Variants in AFG2A observed in about 807,000 individuals in gnomAD.
AFG2A encodes AAA ATPase AFG2A.
At chr4:123,015,759 G>A in the AFG2A span, among the ~76,000 whole-genome samples, 1,580 of 149,802 alleles carry the variant, frequency 0.011, 39 homozygotes, top group African/African-American at 0.036. Flanking sequence ...CAGTAGGGGC[G>A]GCCGGGCAGA....
the AFG2A span, among the ~76,000 whole-genome samples, chr4:122,938,646 A>G: frequency 6.6e-6 from 1 of 152,178 alleles, no homozygotes; most frequent in East Asian, 1.9e-4. Context: ...GCTGGAGTGC[A>G]GTGGCGCAGT....
the AFG2A span, among the ~76,000 whole-genome samples, chr4:123,124,220 A>G: frequency 4.6e-5 from 7 of 152,180 alleles, no homozygotes; most frequent in Admixed American, 2.0e-4. Flanking sequence ...TCACAATAGC[A>G]AAGACTTGGA....
the AFG2A span, among the ~76,000 whole-genome samples, chr4:123,090,168 G>C: frequency 0.011 from 1,630 of 152,168 alleles, 34 homozygotes; most frequent in South Asian, 0.095. Flanking sequence ...ATAGACTTTA[G>C]GTTTCATGTG....
At chr4:122,983,949 C>T in the AFG2A span, among the ~76,000 whole-genome samples, 5 of 152,112 alleles carry the variant, frequency 3.3e-5, no homozygotes, top group Non-Finnish European at 5.9e-5. Flanking sequence ...ACTACATCAA[C>T]GGAATATCCC....
the AFG2A span, among the ~76,000 whole-genome samples, chr4:122,985,057 T>C: frequency 6.6e-6 from 1 of 152,182 alleles, no homozygotes; most frequent in Non-Finnish European, 1.5e-5. Flanking sequence ...CTTCTTTGAA[T>C]GTCTGGTAGA....
At chr4:123,180,289 A>G in the AFG2A span, among the ~76,000 whole-genome samples, 4 of 152,206 alleles carry the variant, frequency 2.6e-5, no homozygotes, top group Non-Finnish European at 5.9e-5. Flanking sequence ...GGCACATTTT[A>G]GAACAAAAGT....
At chr4:123,136,518 CAAA>C in the AFG2A span, among the ~76,000 whole-genome samples, 15 of 150,934 alleles carry the variant, frequency 9.9e-5, no homozygotes, top group East Asian at 2.5e-3. Context: ...AAAAAAAATA[CAAA>C]AAAATTAGCT....
At chr4:123,020,640 C>A in the AFG2A span, among the ~76,000 whole-genome samples, 3 of 151,928 alleles carry the variant, frequency 2.0e-5, no homozygotes, top group African/African-American at 7.3e-5. Context: ...GTATTAAAAT[C>A]TTTATATTCT....
At chr4:122,983,025 G>A in the AFG2A span, among the ~76,000 whole-genome samples, 201 of 151,690 alleles carry the variant, frequency 1.3e-3, no homozygotes, top group African/African-American at 4.7e-3. Context: ...CCGCCACAAC[G>A]CCCAGCTAAT....
the AFG2A span, among the ~76,000 whole-genome samples, chr4:122,952,767 G>A: frequency 3.3e-5 from 5 of 152,172 alleles, no homozygotes; most frequent in African/African-American, 1.2e-4. Flanking sequence ...AAAGTCTATT[G>A]TTCTTCCCAG....
At chr4:123,140,862 C>G in the AFG2A span, among the ~76,000 whole-genome samples, 1 of 151,968 alleles carries the variant, frequency 6.6e-6, no homozygotes, top group Non-Finnish European at 1.5e-5. Context: ...AAATTTGACC[C>G]CACATGGAAC....
the AFG2A span, among the ~76,000 whole-genome samples, chr4:123,310,141 A>C: frequency 6.6e-6 from 1 of 152,194 alleles, no homozygotes; most frequent in Admixed American, 6.5e-5. Context: ...AATTTCTACT[A>C]AGAAGCCTTT....
the AFG2A span, chr4:123,255,936 G>C: frequency 1.3e-6 from 2 of 1,528,678 alleles, no homozygotes; most frequent in Non-Finnish European, 1.8e-6. Flanking sequence ...TGAAATTCCA[G>C]ACATCTTTCC....
chr4:123,141,279 A>G, the AFG2A span, among the ~76,000 whole-genome samples: 1 of 152,166 alleles, frequency 6.6e-6, no homozygotes, highest in Non-Finnish European at 1.5e-5. Context: ...TAAAAATTAT[A>G]TTACATTTCT....
At chr4:123,158,663 A>G in the AFG2A span, among the ~76,000 whole-genome samples, 2 of 152,278 alleles carry the variant, frequency 1.3e-5, no homozygotes, top group Admixed American at 6.5e-5. Context: ...CATCTAGTCT[A>G]TGGAAAAAAA....
At chr4:123,214,205 G>T in the AFG2A span, among the ~76,000 whole-genome samples, 2 of 152,064 alleles carry the variant, frequency 1.3e-5, no homozygotes, top group Non-Finnish European at 2.9e-5. Flanking sequence ...TGGGCATTTT[G>T]ATGCTAGACC....
At chr4:123,220,334 T>G in the AFG2A span, among the ~76,000 whole-genome samples, 1 of 151,938 alleles carries the variant, frequency 6.6e-6, no homozygotes, top group Admixed American at 6.6e-5. Context: ...AATCTGGGCC[T>G]GGTGGGGTGG....
At chr4:123,056,490 T>C in the AFG2A span, 5 of 1,511,254 alleles carry the variant, frequency 3.3e-6, no homozygotes, top group African/African-American at 7.0e-5. Context: ...ATCACACTTC[T>C]GTCCTGTGCA....
At chr4:123,068,879 A>T in the AFG2A span, among the ~76,000 whole-genome samples, 1,169 of 152,286 alleles carry the variant, frequency 7.7e-3, 9 homozygotes, top group Non-Finnish European at 0.012. Context: ...TGAGACTCTT[A>T]CATAATTTTA....
Sources: gnomAD v4.1 joint callset for allele counts (sites outside exome capture counted in the v4.1 genomes callset) on GRCh38, gnomAD v4.1.1 for gene constraint, MANE v1.5 for transcripts, NCBI Gene and HGNC (gene_info 2026-07-23, HGNC 2026-07-21) for gene names.